Variants in LRP2 observed in about 807,000 individuals in gnomAD.
LRP2 encodes the protein low-density lipoprotein receptor-related protein 2.
In LRP2, 172 loss-of-function variants were observed where a neutral mutation model predicts 531.0. That is an observed-to-expected ratio of 0.32 (90% confidence interval 0.29 to 0.37). LRP2 has a LOEUF of 0.37. Among genes scored for constraint, LRP2 ranks in the 10% least tolerant of loss-of-function variants. LRP2 has a pLI of 1.00. For synonymous variants in LRP2, 1,992 were observed against 2,027.6 expected (o/e 0.98, Z 0.47); for missense variants, 5,167 against 5,868.3 (o/e 0.88, Z 3.90).
chr2:169,147,940 T>A (rs1441876555), intron 68 of LRP2, among the ~76,000 whole-genome samples: 1 of 149,400 alleles, frequency 6.7e-6, no homozygotes, highest in East Asian at 2.0e-4. Context: ...AGCACTATGT[T>A]AAAAAAAAAA....
At chr2:169,191,040 A>T (rs547232321) in intron 48 of LRP2, among the ~76,000 whole-genome samples, 3 of 152,222 alleles carry the variant, frequency 2.0e-5, no homozygotes, top group Admixed American at 6.5e-5. Context: ...GCAGGCTGTG[A>T]GCCGAATCTG....
chr2:169,141,873 C>G (rs887133557), intron 71 of LRP2, among the ~76,000 whole-genome samples: 2 of 152,088 alleles, frequency 1.3e-5, no homozygotes, highest in African/African-American at 4.8e-5. Flanking sequence ...TTTTTTCTCC[C>G]TGGATTCATT....
Position 169,172,153 on chromosome 2 carries a change from A to G in LRP2, c.11144-19T>C. On this transcript the variant is annotated intron_variant, in intron 57 of 78. Transcript: ENST00000649046. ...CTCTCCTCTGCAAAGCAGTCATTGC[A>G]AAGACTTCATAAACCATTGGCAGAG... The G allele has an allele frequency of 1.2e-6, 2 of 1,614,062 alleles. No individual in the cohort carries two copies. Among genetic ancestry groups the G allele is most frequent in the East Asian group, 2.2e-5 (1 of 44,872 alleles).
At chr2:169,152,300 C>A (rs1340341300) in intron 67 of LRP2, among the ~76,000 whole-genome samples, 1 of 152,282 alleles carries the variant, frequency 6.6e-6, no homozygotes, top group South Asian at 2.1e-4. Flanking sequence ...TCTGTTTTAA[C>A]TAGAAGCCTG....
In LRP2 at chr2:169,294,717, T is replaced by TAA. The variant is rs370823033; in HGVS notation, c.428-9_428-8dup. On this transcript the variant is annotated splice_polypyrimidine_tract_variant and splice_region_variant and intron_variant, in intron 4 of 78. Transcript: ENST00000649046. ...TGCTCACATGTTGGGTACTCTATTG[T>TAA]AAAAAAAAAAAAAAAAAAAAAAAGG... 83 of 742,842 alleles carry TAA rather than the reference T, an allele frequency of 1.1e-4. No individual in the cohort carries two copies. The highest frequency in any genetic ancestry group is 4.9e-4 in the South Asian group (28 of 57,702). 46.0% of individuals were successfully genotyped at this position (742,842 alleles called of 1,614,324 possible).
chr2:169,196,993 T>C lies in LRP2; in HGVS notation c.8616A>G (p.Ala2872=). The part of the protein sequence containing the change: ...HTCSSSEFQC[A]SGRCIPQHWY... ...AATGTTGAGGAATACAGCGCCCAGATGCGCATTGGAACTCACTGCTGCTGC... is the reference window on the plus strand; with the variant it reads ...AATGTTGAGGAATACAGCGCCCAGACGCGCATTGGAACTCACTGCTGCTGC... Residue 2872 remains alanine (A), a synonymous_variant, in exon 46 of 79, where the codon GCA becomes GCG. Coordinates refer to ENST00000649046, the MANE Select transcript of LRP2 (RefSeq NM_004525.3). 1 of 1,614,172 alleles carries C rather than the reference T, an allele frequency of 6.2e-7. No individual in the cohort carries two copies. Among genetic ancestry groups the C allele is most frequent in the Non-Finnish European group, 8.5e-7 (1 of 1,180,008 alleles).
intron 9 of LRP2, among the ~76,000 whole-genome samples, chr2:169,286,072 C>T (rs1167848981): frequency 6.6e-6 from 1 of 152,168 alleles, no homozygotes; most frequent in East Asian, 1.9e-4. Flanking sequence ...ACAAGTGTAA[C>T]TGGTTTCCTA....
intron 46 of LRP2, among the ~76,000 whole-genome samples, chr2:169,195,310 C>A (rs1329404211): frequency 1.3e-5 from 2 of 151,966 alleles, no homozygotes; most frequent in Non-Finnish European, 2.9e-5. Flanking sequence ...TATAGTAAGA[C>A]TCCATCTGTT....
In LRP2 at chr2:169,362,484, G is replaced by T; in HGVS notation, c.-85C>A. On this transcript the variant is annotated 5_prime_UTR_variant, in exon 1 of 79. Coordinates refer to ENST00000649046, the MANE Select transcript of LRP2 (RefSeq NM_004525.3). ...CCGCACCGGCAGCGCCTCTGCTAGCGAACGCTCCTTTAGGTCTGCACCTCC... is the reference window on the plus strand; with the variant it reads ...CCGCACCGGCAGCGCCTCTGCTAGCTAACGCTCCTTTAGGTCTGCACCTCC... 1.6e-6 allele frequency: 2 copies of T among 1,227,194 alleles called. No homozygotes were observed. The highest frequency in any genetic ancestry group is 1.3e-5 in the South Asian group (1 of 77,714). The allele number at this position is 1,227,194 out of a possible 1,614,324, so 76.0% of individuals were successfully genotyped here.
intron 16 of LRP2, among the ~76,000 whole-genome samples, chr2:169,263,688 C>A (rs530687510): frequency 1.3e-5 from 2 of 151,764 alleles, no homozygotes; most frequent in Admixed American, 6.6e-5. Flanking sequence ...GTCAGTGTGG[C>A]GATTCCTCAG....
At chr2:169,305,011 C>T (rs1168548747) in intron 4 of LRP2, among the ~76,000 whole-genome samples, 7 of 152,148 alleles carry the variant, frequency 4.6e-5, no homozygotes, top group East Asian at 3.9e-4. Context: ...GGGAGTTGAA[C>T]GATGAGAACA....
chr2:169,342,803 C>T (rs984451807), intron 1 of LRP2, among the ~76,000 whole-genome samples: 11 of 152,166 alleles, frequency 7.2e-5, no homozygotes, highest in Admixed American at 5.9e-4. Flanking sequence ...TTGCAATAAA[C>T]GTGTGTGAAA....
At chr2:169,204,338 C>A (rs1308820663) in intron 41 of LRP2, 67 bp from the exon 42 acceptor site, 1 of 1,397,116 alleles carries the variant, frequency 7.2e-7, no homozygotes, top group Non-Finnish European at 1.0e-6. Context: ...AACTGGCAGC[C>A]CAATGCATGC....
intron 33 of LRP2, among the ~76,000 whole-genome samples, chr2:169,222,164 G>A (rs867166089): frequency 2.0e-5 from 3 of 152,080 alleles, no homozygotes; most frequent in African/African-American, 7.2e-5. Flanking sequence ...AATGACCTAA[G>A]GGGAAACACC....
At chr2:169,148,112 G>A (rs1216230028) in intron 68 of LRP2, among the ~76,000 whole-genome samples, 1 of 152,200 alleles carries the variant, frequency 6.6e-6, no homozygotes, top group Non-Finnish European at 1.5e-5. Context: ...ACTGGGCTCT[G>A]GAAAAAATGC....
chr2:169,163,022 T>C (rs903759010), intron 62 of LRP2, among the ~76,000 whole-genome samples: 4 of 152,154 alleles, frequency 2.6e-5, no homozygotes, highest in Non-Finnish European at 4.4e-5. Flanking sequence ...CCGAATAACA[T>C]AGAGTGATGA....
At position 169,146,911 on chromosome 2, in the gene LRP2, G is replaced by A. The variant is rs776654695; in HGVS notation, c.12639C>T (p.Ala4213=). The change falls in exon 69 of 79, where the codon GCC becomes GCT. Residue 4213 remains alanine, a synonymous_variant. Coordinates refer to ENST00000649046, the MANE Select transcript of LRP2 (RefSeq NM_004525.3). ...TGTTGCGGTCCTCTCCATTCATCCA[G>A]GCAGACTCGATTTTAGGTTCCTTTC... ...DWGKEPKIES[A]WMNGEDRNIL... 1.1e-5 allele frequency: 18 copies of A among 1,613,922 alleles called. No individual in the cohort carries two copies. Among genetic ancestry groups the A allele is most frequent in the Non-Finnish European group, 1.2e-5 (14 of 1,180,006 alleles).
At chr2:169,202,361 A>G (rs1345204718) in intron 43 of LRP2, among the ~76,000 whole-genome samples, 1 of 152,196 alleles carries the variant, frequency 6.6e-6, no homozygotes, top group Non-Finnish European at 1.5e-5. Flanking sequence ...GTAAAATGAT[A>G]CGTTTCCTTA....
rs1684017904 is a variant in LRP2 at position 169,292,289 on chromosome 2, C to T, written c.733G>A (p.Asp245Asn). The T allele has an allele frequency of 6.2e-7, 1 of 1,614,032 alleles. No homozygotes were observed. The highest frequency in any genetic ancestry group is 8.5e-7 in the Non-Finnish European group (1 of 1,179,856). ...IYQNWVCDGE[D>N]DCKDNGDEDG... ...TCATCTCCATTATCTTTACAGTCAT[C>T]TTCTCCATCACAAACCCAGTTTTGA... The change falls in exon 7 of 79, where the codon GAT becomes AAT. Residue 245 changes from aspartate to asparagine, a missense_variant. This residue lies in a region of LRP2 where 2,811 missense variants were observed against 3,058.0 expected (regional missense o/e 0.92). Coordinates refer to ENST00000649046, the MANE Select transcript of LRP2 (RefSeq NM_004525.3).
Sources: allele counts gnomAD v4.1 joint callset (sites outside exome capture counted in the v4.1 genomes callset), GRCh38; gene constraint gnomAD v4.1.1; regional missense constraint gnomAD v4.1.1; transcripts MANE v1.5; gene names NCBI Gene and HGNC (gene_info 2026-07-23, HGNC 2026-07-21).